The following NARS2 variants were observed in gnomAD, a reference collection of about 807,000 sequenced individuals.
NARS2 encodes the protein asparaginyl-tRNA synthetase 2, mitochondrial.
A neutral mutation model predicts 62.9 loss-of-function variants in NARS2; 60 were observed. That is an observed-to-expected ratio of 0.95 (90% CI 0.77 to 1.18). The LOEUF (loss-of-function observed/expected upper bound fraction) is 1.18. Among genes scored for constraint, NARS2 ranks in the 50% most tolerant of loss-of-function variants. The probability of loss-of-function intolerance (pLI) is 0.00; values close to 1 mark genes in which losing one functional copy is unlikely to be tolerated. For missense variants in NARS2, 619 were observed against 576.4 expected, an observed-to-expected ratio of 1.07 and a Z score of -0.76; for synonymous variants, 196 against 200.0, an observed-to-expected ratio of 0.98 and a Z score of 0.17.
chr11:78,554,215 G>A (rs1170379269), intron 5 of NARS2, among the ~76,000 whole-genome samples: 1 of 152,094 alleles, frequency 6.6e-6, no homozygotes, highest in South Asian at 2.1e-4. Context: ...GGCTATCTGG[G>A]CTCTTGGCTA....
chr11:78,481,671 T>C (rs1859360874), intron 7 of NARS2, among the ~76,000 whole-genome samples: 1 of 152,204 alleles, frequency 6.6e-6, no homozygotes, highest in Non-Finnish European at 1.5e-5. Flanking sequence ...GTAACTCAGA[T>C]GTCTTAAAAA....
intron 11 of NARS2, among the ~76,000 whole-genome samples, chr11:78,449,821 T>C (rs761739546): frequency 4.9e-4 from 75 of 152,306 alleles, no homozygotes; most frequent in Non-Finnish European, 8.8e-4. Context: ...ACATTACAAA[T>C]GTTCCTTGGT....
At chr11:78,523,836 T>C (rs1009841146) in intron 6 of NARS2, among the ~76,000 whole-genome samples, 2 of 152,030 alleles carry the variant, frequency 1.3e-5, no homozygotes, top group African/African-American at 4.8e-5. Flanking sequence ...AGGGAGTGAA[T>C]GCTAATGGAA....
chr11:78,574,290 G>A (rs758182878), intron 1 of NARS2, 58 bp downstream of exon 1: 3 of 1,602,334 alleles, frequency 1.9e-6, no homozygotes, highest in South Asian at 1.1e-5. Context: ...AGCTAGATGT[G>A]GATGTGCCAT....
chr11:78,572,108 C>T (rs1397821686), intron 1 of NARS2, among the ~76,000 whole-genome samples: 6 of 151,998 alleles, frequency 3.9e-5, no homozygotes, highest in Non-Finnish European at 8.8e-5. Flanking sequence ...CTTGAACCCA[C>T]GAGGCGGAGG....
rs112020759 is a variant in NARS2 at position 78,566,036 on chromosome 11, A to T, written c.513+96T>A. The T allele has an allele frequency of 2.2e-3, 2,345 of 1,044,724 alleles. 39 individuals are homozygous for T. In the African/African-American group the frequency reaches 0.033, roughly 15 times the overall value. The allele number at this position is 1,044,724 out of a possible 1,614,324, so 64.7% of individuals were successfully genotyped here. A position where few individuals can be genotyped will look rare whatever the true frequency, so the allele number is the denominator to read the frequency against. On this transcript the variant is annotated intron_variant, in intron 4 of 13. Coordinates refer to ENST00000281038, the MANE Select transcript of NARS2 (RefSeq NM_024678.6). ...GACCAATCAAAACTAACCCATAACT[A>T]ACAGACATGTTAACATCAGGAGAAA...
At chr11:78,503,324 G>A (rs920222936) in intron 6 of NARS2, among the ~76,000 whole-genome samples, 2 of 152,090 alleles carry the variant, frequency 1.3e-5, no homozygotes, top group Admixed American at 6.6e-5. Flanking sequence ...TGCAACCCCC[G>A]CCTCCCAGGT....
At chr11:78,500,657 A>G (rs1222384369) in intron 6 of NARS2, among the ~76,000 whole-genome samples, 2 of 152,162 alleles carry the variant, frequency 1.3e-5, no homozygotes, top group African/African-American at 4.8e-5. Context: ...ATTTTTTTAT[A>G]GATGGGGGTT....
rs544494029 is a variant in NARS2 at position 78,470,544 on chromosome 11, T to G, written c.960-1231A>C. 2.0e-5 allele frequency among the ~76,000 whole-genome samples: 3 copies of G among 152,328 alleles called. No individual in the cohort carries two copies. The South Asian group carries it at 6.2e-4, about 32-fold the overall frequency. On this transcript the variant is annotated intron_variant, in intron 9 of 13. Coordinates refer to ENST00000281038, the MANE Select transcript of NARS2 (RefSeq NM_024678.6). ...ATTTTACTAATATACCTTGCAGATC[T>G]GTGTGTATATGAAGACATTCTTCAC...
rs1857404557 is a variant in NARS2 at position 78,436,142 on chromosome 11, T to C, written c.*528A>G. 1 of 152,276 alleles carries C rather than the reference T, an allele frequency of 6.6e-6. No individual in the cohort carries two copies. The highest frequency in any genetic ancestry group is 1.5e-5 in the Non-Finnish European group (1 of 68,100). 9.4% of individuals were successfully genotyped at this position (152,276 alleles called of 1,614,324 possible). On this transcript the variant is annotated 3_prime_UTR_variant, in exon 14 of 14. Coordinates refer to ENST00000281038, the MANE Select transcript of NARS2 (RefSeq NM_024678.6). ...TTCATCCAGTTCAATGAAAGGAGAT[T>C]TCAATTCAGAATAGCTACTTCTTTA...
At chr11:78,469,615 C>T (rs1412888745) in intron 9 of NARS2, among the ~76,000 whole-genome samples, 1 of 152,196 alleles carries the variant, frequency 6.6e-6, no homozygotes, top group African/African-American at 2.4e-5. Flanking sequence ...CAGCAAAATA[C>T]TTTTTCCTAA....
Position 78,562,529 on chromosome 11 carries a change from C to T in NARS2, c.514-2910G>A, listed in dbSNP as rs145788050. Among the ~76,000 whole-genome samples the T allele has an allele frequency of 1.7e-3, 265 of 152,242 alleles. 2 individuals are homozygous for T. The highest frequency in any genetic ancestry group is 6.1e-3 in the African/African-American group (252 of 41,528). On this transcript the variant is annotated intron_variant, in intron 4 of 13. Coordinates refer to ENST00000281038, the MANE Select transcript of NARS2 (RefSeq NM_024678.6). ...TCCCTGATACTCACAGGAAGAACCT[C>T]GACTCACTGAGAAAGAAAGAGCAGA...
intron 5 of NARS2, among the ~76,000 whole-genome samples, chr11:78,558,982 T>C (rs1361801961): frequency 6.6e-6 from 1 of 152,024 alleles, no homozygotes; most frequent in Non-Finnish European, 1.5e-5. Context: ...CACAGTAACT[T>C]AAGAAAAGTA....
intron 5 of NARS2, among the ~76,000 whole-genome samples, chr11:78,551,844 T>C (rs558285103): frequency 6.6e-6 from 1 of 151,928 alleles, no homozygotes; most frequent in Admixed American, 6.5e-5. Context: ...AGAGCGAGAC[T>C]TTGTCTCAAA....
chr11:78,486,595 T>C (rs978813152), intron 7 of NARS2, among the ~76,000 whole-genome samples: 3 of 152,200 alleles, frequency 2.0e-5, no homozygotes, highest in African/African-American at 7.2e-5. Flanking sequence ...ACAGTCTCAA[T>C]CTAACCAGTC....
At chr11:78,449,260 C>T (rs1273556301) in intron 11 of NARS2, among the ~76,000 whole-genome samples, 8 of 151,542 alleles carry the variant, frequency 5.3e-5, no homozygotes, top group African/African-American at 1.9e-4. Context: ...CTCAGCCTCC[C>T]GAGTAGCTGG....
intron 6 of NARS2, among the ~76,000 whole-genome samples, chr11:78,514,080 G>A (rs1017739315): frequency 1.3e-5 from 2 of 152,050 alleles, no homozygotes; most frequent in African/African-American, 2.4e-5. Flanking sequence ...CTACAAAACC[G>A]TTAGCCAATT....
chr11:78,464,670 T>C (rs767551422), intron 11 of NARS2, among the ~76,000 whole-genome samples: 15 of 151,956 alleles, frequency 9.9e-5, no homozygotes, highest in African/African-American at 2.4e-4. Flanking sequence ...AGAGTGCTGA[T>C]TGGTGTATTT....
chr11:78,556,311 A>G (rs994742643), intron 5 of NARS2, among the ~76,000 whole-genome samples: 1 of 152,224 alleles, frequency 6.6e-6, no homozygotes, highest in African/African-American at 2.4e-5. Flanking sequence ...CATACCACTT[A>G]TAACTGGTAA....
Sources: gnomAD v4.1 joint callset for allele counts (sites outside exome capture counted in the v4.1 genomes callset) on GRCh38, gnomAD v4.1.1 for gene constraint, MANE v1.5 for transcripts, NCBI Gene and HGNC (gene_info 2026-07-23, HGNC 2026-07-21) for gene names.